UPF2: variants seen among roughly 807,000 people sequenced by gnomAD.
UPF2 encodes the protein UPF2 regulator of nonsense mediated mRNA decay.
UPF2 carries 17 observed loss-of-function variants against 141.4 expected under a neutral mutation model. The observed-to-expected ratio is 0.12, with a 90% CI of 0.08 to 0.18. The LOEUF (loss-of-function observed/expected upper bound fraction) is 0.18. Among genes scored for constraint, UPF2 ranks in the 10% least tolerant of loss-of-function variants. The probability of loss-of-function intolerance (pLI) is 1.00; values close to 1 mark genes in which losing one functional copy is unlikely to be tolerated. For synonymous variants in UPF2, 540 were observed against 498.0 expected, an observed-to-expected ratio of 1.08 and a Z score of -1.12; for missense variants, 1,152 against 1,515.9, an observed-to-expected ratio of 0.76 and a Z score of 3.99.
At chr10:12,010,847 G>A (rs1335230681) in intron 4 of UPF2, among the ~76,000 whole-genome samples, 1 of 146,486 alleles carries the variant, frequency 6.8e-6, no homozygotes, top group Non-Finnish European at 1.6e-5. Flanking sequence ...AAAAAATATA[G>A]ATTATATAAA....
In UPF2 at chr10:12,042,294, T is replaced by A. The variant is rs1178229478; in HGVS notation, c.-19+461A>T. Among the ~76,000 whole-genome samples, 1 of 149,868 alleles carries A rather than the reference T, an allele frequency of 6.7e-6. No homozygotes were observed. Among genetic ancestry groups the A allele is most frequent in the Non-Finnish European group, 1.5e-5 (1 of 67,532 alleles). ...CCCCAACTTCTCGCCCCACACTCCCTCGCCACAGAAGCCTTCCCGGCCGGT... is the reference window on the plus strand; with the variant it reads ...CCCCAACTTCTCGCCCCACACTCCCACGCCACAGAAGCCTTCCCGGCCGGT... On this transcript the variant is annotated intron_variant, in intron 1 of 21. Coordinates refer to ENST00000357604, the MANE Select transcript of UPF2 (RefSeq NM_015542.4). The surrounding 1 kb of genome is among the most constrained non-coding windows in gnomAD (Gnocchi z 5.5).
At chr10:12,000,049 G>T (rs757968613) in intron 6 of UPF2, 40 bp from the exon 7 acceptor site, 1 of 1,440,878 alleles carries the variant, frequency 6.9e-7, no homozygotes, top group East Asian at 2.3e-5. Flanking sequence ...AAAAAAAAAA[G>T]AGAACACAGA....
At chr10:12,024,757 C>T (rs2131301199) in intron 3 of UPF2, among the ~76,000 whole-genome samples, 2 of 151,762 alleles carry the variant, frequency 1.3e-5, no homozygotes, top group African/African-American at 4.8e-5. Flanking sequence ...ACATAGGGAG[C>T]TCCCTCTCTA....
At chr10:12,017,775 G>A (rs1363526995) in intron 3 of UPF2, among the ~76,000 whole-genome samples, 1 of 152,022 alleles carries the variant, frequency 6.6e-6, no homozygotes, top group African/African-American at 2.4e-5. Flanking sequence ...TAAGTTCTGG[G>A]ATACATGTGC....
chr10:11,954,762 G>C (rs1333544476), intron 14 of UPF2, among the ~76,000 whole-genome samples: 1 of 148,814 alleles, frequency 6.7e-6, no homozygotes, highest in Non-Finnish European at 1.5e-5. Flanking sequence ...GTTTACTTGA[G>C]GCTAGGAGTG....
At chr10:11,951,375 T>C (rs1299673922) in intron 15 of UPF2, among the ~76,000 whole-genome samples, 1 of 152,192 alleles carries the variant, frequency 6.6e-6, no homozygotes, top group Non-Finnish European at 1.5e-5. Flanking sequence ...AACGTGTCAC[T>C]TTAAAATGAC....
chr10:11,989,403 G>A (rs1458455218), intron 8 of UPF2, among the ~76,000 whole-genome samples: 2 of 152,184 alleles, frequency 1.3e-5, no homozygotes, highest in African/African-American at 4.8e-5. Context: ...AGGATTGCTT[G>A]AGGCCAGGAG....
At chr10:11,937,402 C>T (rs1832866935) in intron 18 of UPF2, among the ~76,000 whole-genome samples, 1 of 152,176 alleles carries the variant, frequency 6.6e-6, no homozygotes, top group Non-Finnish European at 1.5e-5. Context: ...AGGTGTACAG[C>T]ACCTGTGGAG....
At chr10:12,039,449 A>G (rs553023505) in intron 1 of UPF2, among the ~76,000 whole-genome samples, 2 of 152,304 alleles carry the variant, frequency 1.3e-5, no homozygotes, top group African/African-American at 4.8e-5. Context: ...TATGGGGACA[A>G]TTTAATATCT....
chr10:11,963,949 C>A, intron 11 of UPF2, 60 bp downstream of exon 11: 1 of 1,229,300 alleles, frequency 8.1e-7, no homozygotes, highest in Non-Finnish European at 1.2e-6. Context: ...ATATTTTCAA[C>A]CTCTGAAGCA....
In UPF2 at chr10:11,929,894, A is replaced by G. The variant is rs1460841697; in HGVS notation, c.3780T>C (p.Asn1260=). The change falls in exon 21 of 22, where the codon AAT becomes AAC. Residue 1260 remains asparagine (N), a synonymous_variant. Coordinates refer to ENST00000357604, the MANE Select transcript of UPF2 (RefSeq NM_015542.4). ...CACCAGTCTTAAAGATTAGATCTGCATTAGGTGCTCCCTTCGGATGTTGGT... is the reference window on the plus strand; with the variant it reads ...CACCAGTCTTAAAGATTAGATCTGCGTTAGGTGCTCCCTTCGGATGTTGGT... ...PRYQHPKGAP[N]ADLIFKTGGR... 1 of 1,614,248 alleles carries G rather than the reference A, an allele frequency of 6.2e-7. No individual in the cohort carries two copies. Among genetic ancestry groups the G allele is most frequent in the East Asian group, 2.2e-5 (1 of 44,886 alleles).
rs746799243 is a variant in UPF2, at chr10:11,967,425, T to C, written c.1983A>G (p.Glu661=). ...HVRKKDQINI[E]TKNKTVRFIG... ...TAAAACGAACAGTTTTATTCTTTGT[T>C]TCAATATTGATCTGGTCCTTTTTCC... Residue 661 remains glutamate, a synonymous_variant, in exon 10 of 22, where the codon GAA becomes GAG. Coordinates refer to ENST00000357604, the MANE Select transcript of UPF2 (RefSeq NM_015542.4). The C allele has an allele frequency of 3.8e-6, 6 of 1,583,300 alleles. No individual in the cohort carries two copies.
chr10:11,938,864 T>TTG (rs1554774695), intron 18 of UPF2, among the ~76,000 whole-genome samples: 6 of 81,064 alleles, frequency 7.4e-5, no homozygotes, highest in African/African-American at 1.2e-4. Context: ...TTTTTTTTTT[T>TTG]TTTTTTTTTT....
At chr10:11,922,311 T>C (rs963334460) in intron 21 of UPF2, among the ~76,000 whole-genome samples, 4 of 152,242 alleles carry the variant, frequency 2.6e-5, no homozygotes, top group Admixed American at 6.5e-5. Flanking sequence ...GATGAACAGT[T>C]TGTTTCTTAC....
In UPF2 at chr10:11,956,190, T is replaced by TAA. The variant is rs542149742; in HGVS notation, c.2574+128_2574+129dup. Reference sequence around the variant, plus strand: ...GGAAAGTGTTTACAGGAAATTCTTATAAAATGATTATCAGCTTTTTCTAAC... The same window carrying TAA: ...GGAAAGTGTTTACAGGAAATTCTTATAAAAAATGATTATCAGCTTTTTCTAAC... On this transcript the variant is annotated intron_variant, in intron 13 of 21. Coordinates refer to ENST00000357604, the MANE Select transcript of UPF2 (RefSeq NM_015542.4). The surrounding 1 kb of genome is among the most constrained non-coding windows in gnomAD (Gnocchi z 4.2). The TAA allele has an allele frequency of 9.1e-5, 79 of 864,586 alleles. No individual in the cohort carries two copies. The African/African-American group carries it at 1.2e-3, about 13-fold the overall frequency. 53.6% of individuals were successfully genotyped at this position (864,586 alleles called of 1,614,324 possible).
intron 15 of UPF2, among the ~76,000 whole-genome samples, chr10:11,950,617 T>C (rs972988728): frequency 4.6e-5 from 7 of 152,246 alleles, no homozygotes; most frequent in African/African-American, 1.4e-4. Context: ...GGTGTCACAC[T>C]AATATTTACT....
chr10:11,945,638 A>T (rs1832991342), intron 16 of UPF2, among the ~76,000 whole-genome samples: 1 of 152,240 alleles, frequency 6.6e-6, no homozygotes, highest in South Asian at 2.1e-4. Flanking sequence ...AAAGTAAGTA[A>T]TAGTTACAAA....
At chr10:12,041,299 T>C (rs993952623) in intron 1 of UPF2, among the ~76,000 whole-genome samples, 1 of 152,220 alleles carries the variant, frequency 6.6e-6, no homozygotes, top group African/African-American at 2.4e-5. Flanking sequence ...ATCTTTTCAC[T>C]GGAATCCGAT....
intron 8 of UPF2, among the ~76,000 whole-genome samples, chr10:11,987,053 C>T: frequency 6.6e-6 from 1 of 152,222 alleles, no homozygotes; most frequent in Admixed American, 6.5e-5. Context: ...AGAAGAGATT[C>T]TTACGTACTT....
Sources: gnomAD v4.1 joint callset for allele counts (sites outside exome capture counted in the v4.1 genomes callset) on GRCh38, gnomAD v4.1.1 for gene constraint, Gnocchi (gnomAD v3.1) non-coding constraint, MANE v1.5 for transcripts, NCBI Gene and HGNC (gene_info 2026-07-23, HGNC 2026-07-21) for gene names.